The following TAFA5 variants were observed in gnomAD, a reference collection of about 807,000 sequenced individuals.
TAFA5 encodes the protein chemokine-like protein TAFA-5.
Under a neutral mutation model 15.3 loss-of-function variants are expected in TAFA5, and 6 were observed. The observed-to-expected ratio is 0.39, with a 90% CI of 0.21 to 0.77. The LOEUF (loss-of-function observed/expected upper bound fraction) is 0.77, where lower values mean the gene tolerates loss of function less well. Ranked by LOEUF, TAFA5 falls within the 30% of genes least tolerant of loss-of-function variation. TAFA5 has a pLI of 0.41. For synonymous variants in TAFA5, 103 were observed against 80.7 expected (o/e 1.28, Z -1.48); for missense variants, 161 against 193.1 (o/e 0.83, Z 0.98).
At chr22:48,575,616 A>G (rs1390347385) in intron 1 of TAFA5, among the ~76,000 whole-genome samples, 2 of 144,384 alleles carry the variant, frequency 1.4e-5, no homozygotes, top group African/African-American at 2.5e-5. Flanking sequence ...ACCGGCACCG[A>G]CACCGGCAGC....
At chr22:48,718,528 C>T (rs1196739228) in intron 3 of TAFA5, among the ~76,000 whole-genome samples, 1 of 152,136 alleles carries the variant, frequency 6.6e-6, no homozygotes, top group Non-Finnish European at 1.5e-5. Context: ...TGTGTCTGCC[C>T]TGTCCGACCC....
intron 1 of TAFA5, among the ~76,000 whole-genome samples, chr22:48,608,811 A>G (rs28574701): frequency 0.18 from 27,081 of 152,202 alleles, 2,500 homozygotes; most frequent in East Asian, 0.25. Context: ...CTTCGTTCCA[A>G]CAGAGGGCAG....
chr22:48,720,879 G>C (rs535948833), intron 3 of TAFA5, among the ~76,000 whole-genome samples: 4 of 152,142 alleles, frequency 2.6e-5, no homozygotes, highest in Admixed American at 6.5e-5. Flanking sequence ...TCCACGTCCT[G>C]CCCAGACCCC....
chr22:48,624,763 C>A (rs999631658), intron 1 of TAFA5, among the ~76,000 whole-genome samples: 1 of 152,140 alleles, frequency 6.6e-6, no homozygotes, highest in African/African-American at 2.4e-5. Context: ...ACAGCCGTTA[C>A]CCCAGGGAGT....
chr22:48,568,997 C>T (rs1923495798), intron 1 of TAFA5, among the ~76,000 whole-genome samples: 1 of 152,220 alleles, frequency 6.6e-6, no homozygotes, highest in Non-Finnish European at 1.5e-5. Context: ...CAGGCACCCT[C>T]CATCCTGAAC....
intron 2 of TAFA5, among the ~76,000 whole-genome samples, chr22:48,654,922 G>T (rs1927183600): frequency 6.6e-6 from 1 of 152,220 alleles, no homozygotes; most frequent in East Asian, 1.9e-4. Context: ...GGGCTGGGAG[G>T]AGGGGCCGTG....
intron 1 of TAFA5, among the ~76,000 whole-genome samples, chr22:48,630,641 C>G (rs738686): frequency 0.48 from 72,535 of 152,024 alleles, 18,859 homozygotes; most frequent in African/African-American, 0.69. Context: ...CAGTGAGTGC[C>G]GCTTCCAGAA....
intron 1 of TAFA5, among the ~76,000 whole-genome samples, chr22:48,639,308 C>T (rs1926590814): frequency 6.6e-6 from 1 of 152,346 alleles, no homozygotes; most frequent in Middle Eastern, 3.4e-3. Context: ...CTCAGCTGCA[C>T]CTTGTTTTTG....
At chr22:48,618,584 C>A (rs921184592) in intron 1 of TAFA5, among the ~76,000 whole-genome samples, 2 of 152,174 alleles carry the variant, frequency 1.3e-5, no homozygotes, top group Non-Finnish European at 2.9e-5. Flanking sequence ...GTCCTGGAGG[C>A]AGCGTGCACA....
chr22:48,562,047 C>G (rs1323530992), intron 1 of TAFA5, among the ~76,000 whole-genome samples: 1 of 152,204 alleles, frequency 6.6e-6, no homozygotes. Flanking sequence ...GTGGTGTGGA[C>G]TAGGTCCTGG....
intron 2 of TAFA5, among the ~76,000 whole-genome samples, chr22:48,655,562 C>T (rs1374923380): frequency 1.3e-5 from 2 of 152,184 alleles, no homozygotes; most frequent in Non-Finnish European, 2.9e-5. Context: ...ACAGCATTAT[C>T]TCTCCAGGAT....
At chr22:48,532,943 T>C (rs1465144304) in intron 1 of TAFA5, among the ~76,000 whole-genome samples, 1 of 152,180 alleles carries the variant, frequency 6.6e-6, no homozygotes, top group African/African-American at 2.4e-5. Context: ...CCAAGAGACA[T>C]CCAGACACTT....
At chr22:48,537,261 C>T (rs1922201404) in intron 1 of TAFA5, among the ~76,000 whole-genome samples, 1 of 152,210 alleles carries the variant, frequency 6.6e-6, no homozygotes, top group Non-Finnish European at 1.5e-5. Context: ...GGCCCGGCTC[C>T]CTGGGGACCT....
At chr22:48,622,902 G>GC (rs951580018) in intron 1 of TAFA5, among the ~76,000 whole-genome samples, 1 of 152,248 alleles carries the variant, frequency 6.6e-6, no homozygotes, top group African/African-American at 2.4e-5. Flanking sequence ...ACCTGGGACT[G>GC]CCCGTGACAG....
chr22:48,679,053 C>CTG (rs1928081654), intron 2 of TAFA5, among the ~76,000 whole-genome samples: 2 of 20,566 alleles, frequency 9.7e-5, no homozygotes, highest in Non-Finnish European at 2.6e-4. Context: ...CCAGCTCCCC[C>CTG]TCCATCCCTC....
intron 3 of TAFA5, among the ~76,000 whole-genome samples, chr22:48,737,431 C>T (rs761594322): frequency 2.6e-5 from 4 of 152,194 alleles, no homozygotes; most frequent in Non-Finnish European, 5.9e-5. Context: ...CCCTGGTCCC[C>T]TCAATGCTGT....
At chr22:48,661,313 G>A (rs1927431588) in intron 2 of TAFA5, among the ~76,000 whole-genome samples, 1 of 152,088 alleles carries the variant, frequency 6.6e-6, no homozygotes, top group Non-Finnish European at 1.5e-5. Flanking sequence ...CTGGAACCTT[G>A]CCCCAGCCCT....
chr22:48,645,972 G>A (rs893074070), intron 1 of TAFA5, among the ~76,000 whole-genome samples: 13 of 152,168 alleles, frequency 8.5e-5, no homozygotes, highest in South Asian at 4.1e-4. Context: ...GTGTGTGGGC[G>A]TGCACCGCGC....
chr22:48,731,432 G>A (rs974915279), intron 3 of TAFA5, among the ~76,000 whole-genome samples: 2 of 152,210 alleles, frequency 1.3e-5, no homozygotes, highest in Admixed American at 6.5e-5. Context: ...GCAAGAAGAC[G>A]CCCACTGTGG....
Sources: gnomAD v4.1 joint callset for allele counts (sites outside exome capture counted in the v4.1 genomes callset) on GRCh38, gnomAD v4.1.1 for gene constraint, MANE v1.5 for transcripts, NCBI Gene and HGNC (gene_info 2026-07-23, HGNC 2026-07-21) for gene names.